GAD2: variants seen among roughly 807,000 people sequenced by gnomAD.
GAD2 encodes 65 kDa glutamic acid decarboxylase.
Under a neutral mutation model 80.1 loss-of-function variants are expected in GAD2, and 22 were observed. The observed-to-expected ratio is 0.27, with a 90% confidence interval of 0.20 to 0.39. GAD2 has a LOEUF of 0.39. Ranked by LOEUF, GAD2 falls within the 10% of genes least tolerant of loss-of-function variation. The pLI is 1.00. For synonymous variants in GAD2, 274 were observed against 256.9 expected, an observed-to-expected ratio of 1.07 and a Z score of -0.64; for missense variants, 624 against 738.4, an observed-to-expected ratio of 0.85 and a Z score of 1.80.
rs1486869924 is a variant in GAD2 at position 26,219,024 on chromosome 10, T to C, written c.287-19T>C. ...TTCAAAGTAAAATTAAAATGTGGCA[T>C]TTTAATTTCATTCTTTAGACCTGCT... On this transcript the variant is annotated intron_variant, in intron 3 of 15. Transcript: ENST00000376261. 3 of 1,518,880 alleles carry C rather than the reference T, an allele frequency of 2.0e-6. No individual in the cohort carries two copies. The highest frequency in any genetic ancestry group is 2.7e-6 in the Non-Finnish European group (3 of 1,131,262). The allele number at this position is 1,518,880 out of a possible 1,614,324, so 94.1% of individuals were successfully genotyped here. A position where few individuals can be genotyped will look rare whatever the true frequency, so the allele number is the denominator to read the frequency against.
intron 15 of GAD2, among the ~76,000 whole-genome samples, chr10:26,296,787 C>T (rs1270417434): frequency 3.9e-5 from 6 of 152,084 alleles, no homozygotes; most frequent in Non-Finnish European, 7.4e-5. Flanking sequence ...GAGGACTTTT[C>T]AAAGGTTAGC....
At position 26,302,278 on chromosome 10, in the gene GAD2, A is replaced by G. The variant is rs1442207654; in HGVS notation, c.*1317A>G. ...ATGGGTGGTTGTTTTTCTTCCATGA[A>G]ATGAGCCTCTCACCCTAGATTTTGA... On this transcript the variant is annotated 3_prime_UTR_variant, in exon 16 of 16. Coordinates refer to ENST00000376261, the MANE Select transcript of GAD2 (RefSeq NM_001134366.2). 1 of 152,194 alleles carries G rather than the reference A, an allele frequency of 6.6e-6. No individual in the cohort carries two copies. The highest frequency in any genetic ancestry group is 1.9e-4 in the East Asian group (1 of 5,194). 9.4% of individuals were successfully genotyped at this position (152,194 alleles called of 1,614,324 possible).
At chr10:26,235,228 A>G (rs1186561716) in intron 7 of GAD2, among the ~76,000 whole-genome samples, 1 of 152,094 alleles carries the variant, frequency 6.6e-6, no homozygotes. Context: ...TCACATTACT[A>G]TCCCTTCTTC....
chr10:26,267,177 T>G (rs371811254), intron 8 of GAD2, among the ~76,000 whole-genome samples: 5 of 152,352 alleles, frequency 3.3e-5, no homozygotes, highest in East Asian at 1.9e-4. Context: ...TGTTTAGCTT[T>G]TGGTAAAGTT....
intron 3 of GAD2, 59 bp downstream of exon 3, chr10:26,218,050 G>A: frequency 6.6e-7 from 1 of 1,507,330 alleles, no homozygotes. Context: ...CCCGCCCACC[G>A]CGGCCGGTGC....
At chr10:26,284,470 G>A (rs1356259930) in intron 12 of GAD2, among the ~76,000 whole-genome samples, 4 of 150,862 alleles carry the variant, frequency 2.7e-5, no homozygotes, top group African/African-American at 9.8e-5. Context: ...TCATGGCTCA[G>A]AACCAGGATA....
chr10:26,297,075 C>T (rs1164117960), intron 15 of GAD2, among the ~76,000 whole-genome samples: 1 of 151,968 alleles, frequency 6.6e-6, no homozygotes, highest in Non-Finnish European at 1.5e-5. Context: ...CCACCACACC[C>T]AGCTAATTTT....
At position 26,217,861 on chromosome 10, in the gene GAD2, C is replaced by T. The variant is rs377613326; in HGVS notation, c.156C>T (p.Ala52=). ...ACCCAGCCCTGCTCTACGGAGACGC[C>T]GAGAAGCCGGCGGAGAGCGGCGGGA... is the stretch of plus-strand genomic sequence containing the variant. ...NKLCALLYGD[A]EKPAESGGSQ... is the part of the protein sequence containing the mutation. Residue 52 remains alanine, a synonymous_variant, in exon 3 of 16, where the codon GCC becomes GCT. Transcript: ENST00000376261. The surrounding 1 kb of genome is among the most constrained non-coding windows in gnomAD (Gnocchi z 4.9). 96 of 1,606,488 alleles carry T rather than the reference C, an allele frequency of 6.0e-5. No homozygotes were observed. In the African/African-American group the frequency reaches 1.2e-3, roughly 20 times the overall value.
intron 8 of GAD2, among the ~76,000 whole-genome samples, chr10:26,246,983 G>A (rs1844817895): frequency 6.6e-6 from 1 of 152,146 alleles, no homozygotes; most frequent in Non-Finnish European, 1.5e-5. Flanking sequence ...ACAGGAAAGG[G>A]GTCCTGATCC....
chr10:26,270,390 A>C (rs777068332), intron 9 of GAD2, among the ~76,000 whole-genome samples: 1 of 152,210 alleles, frequency 6.6e-6, no homozygotes, highest in Non-Finnish European at 1.5e-5. Flanking sequence ...GGTTCACTAC[A>C]GCCTCTTCTG....
intron 12 of GAD2, 108 bp from the exon 13 acceptor site, chr10:26,286,235 TTC>T: frequency 1.0e-6 from 1 of 964,046 alleles, no homozygotes; most frequent in Non-Finnish European, 1.5e-6. Context: ...ACTGTTTTCT[TTC>T]TCTAAGATAT....
chr10:26,240,543 C>A (rs941305797), intron 7 of GAD2, among the ~76,000 whole-genome samples: 1 of 151,864 alleles, frequency 6.6e-6, no homozygotes, highest in Non-Finnish European at 1.5e-5. Context: ...ACCAGCCTGG[C>A]CAACACAGCA....
At chr10:26,230,447 T>C (rs1358190571) in intron 7 of GAD2, among the ~76,000 whole-genome samples, 1 of 151,294 alleles carries the variant, frequency 6.6e-6, no homozygotes, top group Non-Finnish European at 1.5e-5. Context: ...GTTTGTTTGT[T>C]TGAGACAATC....
At chr10:26,276,164 AAAAAAT>A (rs544992148) in intron 11 of GAD2, among the ~76,000 whole-genome samples, 6 of 151,904 alleles carry the variant, frequency 3.9e-5, no homozygotes, top group Non-Finnish European at 5.9e-5. Context: ...CCCATCTCTA[AAAAAAT>A]AAAAATAAAA....
intron 15 of GAD2, among the ~76,000 whole-genome samples, chr10:26,293,678 C>T (rs1175696261): frequency 6.6e-6 from 1 of 152,168 alleles, no homozygotes; most frequent in Non-Finnish European, 1.5e-5. Flanking sequence ...GGTTAGCAAA[C>T]AACGCTGCTG....
intron 15 of GAD2, among the ~76,000 whole-genome samples, chr10:26,295,269 A>G (rs548059115): frequency 6.6e-6 from 1 of 152,158 alleles, no homozygotes; most frequent in Admixed American, 6.5e-5. Context: ...TGACAATTCA[A>G]ATATGAAAAT....
At chr10:26,289,802 T>C (rs2132318384) in intron 13 of GAD2, among the ~76,000 whole-genome samples, 2 of 151,718 alleles carry the variant, frequency 1.3e-5, no homozygotes. Context: ...CCTTTTTTTT[T>C]TTTTTTTTGA....
At position 26,245,969 on chromosome 10, in the gene GAD2, G is replaced by A; in HGVS notation, c.889G>A (p.Asp297Asn). Residue 297 changes from aspartate (D) to asparagine (N), a missense_variant, in exon 8 of 16, where the codon GAC becomes AAC. Asp to Asn is a conservative substitution (Grantham distance 23). Transcript: ENST00000376261. ...AGCTGCAGCCTTAGGGATTGGAACAGACAGCGTGATTCTGATTAAATGTGA... is the reference window on the plus strand; with the variant it reads ...AGCTGCAGCCTTAGGGATTGGAACAAACAGCGTGATTCTGATTAAATGTGA... ...KGAAALGIGT[D>N]SVILIKCDER... 6.2e-7 allele frequency: 1 copy of A among 1,614,160 alleles called. No individual in the cohort carries two copies.
chr10:26,289,058 T>C (rs962364381), intron 13 of GAD2, among the ~76,000 whole-genome samples: 1 of 151,988 alleles, frequency 6.6e-6, no homozygotes, highest in African/African-American at 2.4e-5. Flanking sequence ...CATTTTGTTT[T>C]TCAATCTAAA....
Sources: gnomAD v4.1 joint callset for allele counts (sites outside exome capture counted in the v4.1 genomes callset) on GRCh38, gnomAD v4.1.1 for gene constraint, Gnocchi (gnomAD v3.1) non-coding constraint, MANE v1.5 for transcripts, NCBI Gene and HGNC (gene_info 2026-07-23, HGNC 2026-07-21) for gene names.